The following MND1 variants were observed in gnomAD, a reference collection of about 807,000 sequenced individuals.
The protein encoded by MND1 is meiotic nuclear division protein 1 homolog.
MND1 carries 28 observed loss-of-function variants against 35.1 expected under a neutral mutation model. The ratio of observed to expected loss-of-function variants is 0.80; its 90% CI spans 0.59 to 1.09. MND1 has a LOEUF of 1.09. MND1 is among the 50% of genes least tolerant of loss of function. The pLI, the probability that MND1 is intolerant of heterozygous loss-of-function variation, is 0.00. For missense variants in MND1, 213 were observed against 239.6 expected (o/e 0.89, Z 0.73); for synonymous variants, 69 against 70.5 (o/e 0.98, Z 0.11).
intron 1 of MND1, among the ~76,000 whole-genome samples, chr4:153,345,955 C>A (rs1408904918): frequency 6.8e-6 from 1 of 146,204 alleles, no homozygotes; most frequent in Non-Finnish European, 1.5e-5. Context: ...TGTCCTTTTA[C>A]CTAATCTATC....
At chr4:153,409,330 C>T (rs1202523703) in intron 7 of MND1, among the ~76,000 whole-genome samples, 1 of 149,692 alleles carries the variant, frequency 6.7e-6, no homozygotes, top group Non-Finnish European at 1.5e-5. Flanking sequence ...ATGTAAGATA[C>T]ACTTTTAAGA....
intron 4 of MND1, among the ~76,000 whole-genome samples, chr4:153,386,327 C>CAA (rs776222530): frequency 6.7e-5 from 7 of 104,076 alleles, no homozygotes; most frequent in East Asian, 2.6e-4. Context: ...CTCGTCTCTA[C>CAA]AAAAAAAAAA....
intron 5 of MND1, 31 bp from the exon 6 acceptor site, chr4:153,397,188 T>G: frequency 6.6e-7 from 1 of 1,510,794 alleles, no homozygotes; most frequent in Non-Finnish European, 9.1e-7. Context: ...TTTGTTTGTC[T>G]TAATTGAACA....
chr4:153,355,682 A>C lies in MND1; in HGVS notation c.98A>C (p.Glu33Ala). The change falls in exon 3 of 8, where the codon GAG becomes GCG. Residue 33 changes from glutamate (E) to alanine (A), a missense_variant. Transcript: ENST00000240488. ...GATGTATTTCAATTAAAAGACTTGG[A>C]GAAGATTGCTCCCAAAGAGAAAGGC... ...TKDVFQLKDLEKIAPKEKGIT... is the reference protein window; with the variant it reads ...TKDVFQLKDLAKIAPKEKGIT... 1 of 1,590,538 alleles carries C rather than the reference A, an allele frequency of 6.3e-7. No homozygotes were observed. Among genetic ancestry groups the C allele is most frequent in the Non-Finnish European group, 8.6e-7 (1 of 1,160,198 alleles).
At chr4:153,355,590 A>G (rs987121535) in intron 2 of MND1, 64 bp from the exon 3 acceptor site, 165 of 1,079,982 alleles carry the variant, frequency 1.5e-4, no homozygotes, top group Non-Finnish European at 2.1e-4. Context: ...ATTTTTAAAA[A>G]TGAAAATATA....
intron 7 of MND1, among the ~76,000 whole-genome samples, chr4:153,409,764 ATT>A (rs35045717): frequency 0.07 from 10,484 of 150,156 alleles, 621 homozygotes; most frequent in African/African-American, 0.16. Flanking sequence ...GGCCTTTCGG[ATT>A]TTTTTTTTCT....
intron 7 of MND1, among the ~76,000 whole-genome samples, chr4:153,412,327 T>G (rs1729705061): frequency 6.6e-6 from 1 of 152,142 alleles, no homozygotes. Context: ...CAACAAAACA[T>G]CACAGATAGG....
At chr4:153,386,036 G>A (rs1728848859) in intron 4 of MND1, among the ~76,000 whole-genome samples, 1 of 152,152 alleles carries the variant, frequency 6.6e-6, no homozygotes, top group South Asian at 2.1e-4. Context: ...TGTAGCAAAT[G>A]TACCATCTTG....
chr4:153,363,316 A>G (rs894316737), intron 4 of MND1, among the ~76,000 whole-genome samples: 1 of 151,632 alleles, frequency 6.6e-6, no homozygotes, highest in African/African-American at 2.4e-5. Flanking sequence ...AGTTCAAGCA[A>G]TTCTCCTGCC....
Position 153,405,541 on chromosome 4 carries a change from G to GA in MND1, c.467-3418dup, listed in dbSNP as rs70963177. ...ACAGAGCAAGACTCTGTCTCAAAAA[G>GA]AAAAAAAAAAAAGAATAGACATATA... On this transcript the variant is annotated intron_variant, in intron 6 of 7. Transcript: ENST00000240488. 4.3e-4 allele frequency among the ~76,000 whole-genome samples: 58 copies of GA among 135,790 alleles called. 1 individual carries two copies. Among genetic ancestry groups the GA allele is most frequent in the Admixed American group, 1.5e-3 (20 of 13,696 alleles). The allele number at this position is 135,790 out of a possible 152,430, so 89.1% of individuals were successfully genotyped here.
chr4:153,409,041 A>G lies in MND1; in HGVS notation c.511+26A>G. On this transcript the variant is annotated intron_variant, in intron 7 of 7. Transcript: ENST00000240488. ...GTATGTACTATAATAATGCTGATAA[A>G]CTATAGCTAAATTCCCTTCACACTT... 3.8e-6 allele frequency: 5 copies of G among 1,310,874 alleles called. No homozygotes were observed. The Middle Eastern group carries it at 1.0e-3, about 267-fold the overall frequency. 81.2% of individuals were successfully genotyped at this position (1,310,874 alleles called of 1,614,324 possible).
chr4:153,368,318 T>C (rs1773707026), intron 4 of MND1, among the ~76,000 whole-genome samples: 1 of 152,202 alleles, frequency 6.6e-6, no homozygotes, highest in Non-Finnish European at 1.5e-5. Context: ...TCCTGTAATA[T>C]TTTTTATCAC....
intron 4 of MND1, among the ~76,000 whole-genome samples, chr4:153,389,453 T>C (rs1198046746): frequency 6.6e-6 from 1 of 152,162 alleles, no homozygotes; most frequent in Non-Finnish European, 1.5e-5. Context: ...CTCTGCCTCC[T>C]GGGTTCAAGC....
In MND1 at chr4:153,392,439, A is replaced by C. The variant is rs141647492; in HGVS notation, c.277-1823A>C. Among the ~76,000 whole-genome samples, 182 of 152,252 alleles carry C rather than the reference A, an allele frequency of 1.2e-3. 1 individual carries two copies. The highest frequency in any genetic ancestry group is 4.2e-3 in the African/African-American group (173 of 41,548). The stretch of plus-strand genomic sequence containing the variant: ...TAGTTTTTTATAATCAGCCAACAGA[A>C]ATTAAATCTATCCAATTATTAATTA... On this transcript the variant is annotated intron_variant, in intron 4 of 7. Transcript: ENST00000240488.
At chr4:153,347,724 G>T (rs1039437435) in intron 1 of MND1, among the ~76,000 whole-genome samples, 1 of 152,186 alleles carries the variant, frequency 6.6e-6, no homozygotes, top group African/African-American at 2.4e-5. Flanking sequence ...GAGATGTTTT[G>T]GAGTTTTGAC....
At chr4:153,387,639 A>G (rs1295961508) in intron 4 of MND1, among the ~76,000 whole-genome samples, 1 of 151,966 alleles carries the variant, frequency 6.6e-6, no homozygotes. Context: ...GGTGGTGCCT[A>G]CCTGTAGTCG....
At position 153,392,835 on chromosome 4, in the gene MND1, A is replaced by G. The variant is rs114322981; in HGVS notation, c.277-1427A>G. On this transcript the variant is annotated intron_variant, in intron 4 of 7. Transcript: ENST00000240488. ...ACTGATGACTTTTAAGATATATAAA[A>G]CAGGCTGAGTACCAGGGTGCACACC... Among the ~76,000 whole-genome samples, 546 of 152,308 alleles carry G rather than the reference A, an allele frequency of 3.6e-3. 2 individuals are homozygous for G. The highest frequency in any genetic ancestry group is 0.012 in the African/African-American group (501 of 41,566).
intron 4 of MND1, among the ~76,000 whole-genome samples, chr4:153,393,059 T>C (rs897427355): frequency 6.6e-6 from 1 of 152,126 alleles, no homozygotes; most frequent in East Asian, 1.9e-4. Context: ...GCAAAAGTTG[T>C]AGGGAGTCAT....
Position 153,345,437 on chromosome 4 carries a change from G to A in MND1, c.3+697G>A. On this transcript the variant is annotated intron_variant, in intron 1 of 7. Coordinates refer to ENST00000240488, the MANE Select transcript of MND1 (RefSeq NM_032117.4). ...CCGGGTGCTGCTGGTTGTGTAGGGC[G>A]CTGTTGCTTTTTTAAGGACGCTCTG... is the stretch of plus-strand genomic sequence containing the variant. 3.0e-6 allele frequency: 3 copies of A among 985,490 alleles called. No individual in the cohort carries two copies. In the South Asian group the frequency reaches 1.4e-4, roughly 46 times the overall value. 61.0% of individuals were successfully genotyped at this position (985,490 alleles called of 1,614,324 possible).
Sources: gnomAD v4.1 joint callset for allele counts (sites outside exome capture counted in the v4.1 genomes callset) on GRCh38, gnomAD v4.1.1 for gene constraint, MANE v1.5 for transcripts, NCBI Gene and HGNC (gene_info 2026-07-23, HGNC 2026-07-21) for gene names.